The following GLIS3 variants were observed in gnomAD, a reference collection of about 807,000 sequenced individuals.
GLIS3 encodes zinc finger protein GLIS3.
A neutral mutation model predicts 78.6 loss-of-function variants in GLIS3; 53 were observed. The observed-to-expected ratio is 0.67, with a 90% CI of 0.54 to 0.85. GLIS3 has a LOEUF of 0.85. GLIS3 is among the 40% of genes least tolerant of loss of function. The pLI is 0.00. For missense variants in GLIS3, 1,703 were observed against 1,231.1 expected (o/e 1.38, Z -5.74); for synonymous variants, 684 against 509.9 (o/e 1.34, Z -4.60).
chr9:4,294,156 C>T (rs1462137913), intron 1 of GLIS3, among the ~76,000 whole-genome samples: 2 of 152,160 alleles, frequency 1.3e-5, no homozygotes, highest in Non-Finnish European at 2.9e-5. Flanking sequence ...TTTTTAGTCT[C>T]TATAAATCTG....
At chr9:4,091,787 T>C (rs1406101916) in intron 4 of GLIS3, among the ~76,000 whole-genome samples, 4 of 152,154 alleles carry the variant, frequency 2.6e-5, no homozygotes, top group Non-Finnish European at 5.9e-5. Flanking sequence ...CTCTTCTTTA[T>C]AAATTACCCA....
chr9:3,987,574 C>T (rs1036903600), intron 4 of GLIS3, among the ~76,000 whole-genome samples: 10 of 150,990 alleles, frequency 6.6e-5, no homozygotes, highest in Non-Finnish European at 8.9e-5. Flanking sequence ...TTGTGGTGGG[C>T]GCCTGTAATC....
At chr9:3,986,004 A>G (rs1405506330) in intron 4 of GLIS3, among the ~76,000 whole-genome samples, 1 of 152,258 alleles carries the variant, frequency 6.6e-6, no homozygotes, top group East Asian at 1.9e-4. Context: ...CATGCTAATT[A>G]AAAAGAAATT....
chr9:4,376,184 G>A, the GLIS3 span, among the ~76,000 whole-genome samples: 1 of 152,158 alleles, frequency 6.6e-6, no homozygotes, highest in Non-Finnish European at 1.5e-5. Flanking sequence ...CTCTGGTGGA[G>A]AGATTGTCCC....
chr9:4,394,182 G>C, the GLIS3 span, among the ~76,000 whole-genome samples: 1 of 151,926 alleles, frequency 6.6e-6, no homozygotes, highest in Non-Finnish European at 1.5e-5. Flanking sequence ...TCTTCTCAAG[G>C]AGTGTATAAA....
chr9:3,932,479 G>C lies in GLIS3; in HGVS notation c.1873-9C>G, dbSNP rs371770632. ...TGACAAGCATAAGGTTTCTAAATGAGAAAGAAAGAAAGAAACAGCTGTGGT... is the reference window on the plus strand; with the variant it reads ...TGACAAGCATAAGGTTTCTAAATGACAAAGAAAGAAAGAAACAGCTGTGGT... On this transcript the variant is annotated splice_polypyrimidine_tract_variant and intron_variant, in intron 5 of 10. Coordinates refer to ENST00000381971, the MANE Select transcript of GLIS3 (RefSeq NM_001042413.2). 275 of 1,551,318 alleles carry C rather than the reference G, an allele frequency of 1.8e-4. No homozygotes were observed. The highest frequency in any genetic ancestry group is 8.4e-4 in the Middle Eastern group (5 of 5,936).
chr9:3,909,548 A>G (rs1563839214), intron 6 of GLIS3, among the ~76,000 whole-genome samples: 2 of 152,210 alleles, frequency 1.3e-5, no homozygotes, highest in Non-Finnish European at 2.9e-5. Flanking sequence ...GGGGATACCT[A>G]TTTAGTTAGC....
At chr9:4,416,863 G>C in the GLIS3 span, among the ~76,000 whole-genome samples, 4 of 131,176 alleles carry the variant, frequency 3.0e-5, no homozygotes, top group Admixed American at 1.8e-4. Context: ...TTGTTGCCCA[G>C]GCTGGAGTGC....
At chr9:4,375,804 T>G in the GLIS3 span, among the ~76,000 whole-genome samples, 1 of 152,100 alleles carries the variant, frequency 6.6e-6, no homozygotes, top group African/African-American at 2.4e-5. Flanking sequence ...CACTAGTACT[T>G]GACAGAAAAC....
intron 2 of GLIS3, among the ~76,000 whole-genome samples, chr9:4,334,979 G>C (rs1817737982): frequency 6.9e-6 from 1 of 145,600 alleles, no homozygotes; most frequent in African/African-American, 2.6e-5. Context: ...TGTGATCTCG[G>C]CTCACCGCAA....
chr9:4,488,231 G>A, the GLIS3 span, among the ~76,000 whole-genome samples: 1 of 151,844 alleles, frequency 6.6e-6, no homozygotes, highest in African/African-American at 2.4e-5. Flanking sequence ...CTGGGATTAC[G>A]GGTGTGAGCC....
the GLIS3 span, among the ~76,000 whole-genome samples, chr9:4,383,198 G>C: frequency 6.6e-6 from 1 of 152,184 alleles, no homozygotes; most frequent in Non-Finnish European, 1.5e-5. Flanking sequence ...CATTGCACTT[G>C]CTTCTTGGCA....
At chr9:4,338,763 A>G (rs889420848) in intron 2 of GLIS3, among the ~76,000 whole-genome samples, 1 of 152,196 alleles carries the variant, frequency 6.6e-6, no homozygotes, top group African/African-American at 2.4e-5. Context: ...AGAGGAACCA[A>G]AAATATAGCC....
rs568648126 is a variant in GLIS3 at position 4,336,553 on chromosome 9, T to C, written n.264+10528A>G. Reference sequence around the variant, plus strand: ...TCCTCACATGAGCCCTGAAACTGAATATATAGTTTCCGTTTTATGGAAAAG... The same window carrying C: ...TCCTCACATGAGCCCTGAAACTGAACATATAGTTTCCGTTTTATGGAAAAG... On this transcript the variant is annotated intron_variant and non_coding_transcript_variant, in intron 2 of 4. Transcript: ENST00000471664. Among the ~76,000 whole-genome samples the C allele has an allele frequency of 9.9e-5, 15 of 152,226 alleles. No homozygotes were observed. The East Asian group carries it at 2.3e-3, about 23-fold the overall frequency.
intron 2 of GLIS3, among the ~76,000 whole-genome samples, chr9:4,248,613 G>C (rs762573409): frequency 1.3e-5 from 2 of 152,320 alleles, no homozygotes; most frequent in South Asian, 2.1e-4. Context: ...TCAGTAGTGG[G>C]ATTGCTGGGT....
At chr9:4,160,675 T>G (rs1438469704) in intron 2 of GLIS3, among the ~76,000 whole-genome samples, 1 of 152,248 alleles carries the variant, frequency 6.6e-6, no homozygotes, top group African/African-American at 2.4e-5. Context: ...CTTACTTTTC[T>G]TATTACAATT....
the GLIS3 span, among the ~76,000 whole-genome samples, chr9:4,357,959 T>G: frequency 2.0e-3 from 301 of 152,312 alleles, no homozygotes; most frequent in African/African-American, 6.7e-3. Context: ...CAAGTTATAT[T>G]ACATCTACAT....
intron 4 of GLIS3, among the ~76,000 whole-genome samples, chr9:4,306,933 T>C (rs1052837272): frequency 3.9e-5 from 6 of 152,242 alleles, no homozygotes; most frequent in African/African-American, 1.2e-4. Flanking sequence ...AATAACGTTA[T>C]CTCAGCAGAT....
At chr9:4,202,902 G>A (rs1023026306) in intron 2 of GLIS3, among the ~76,000 whole-genome samples, 2 of 152,180 alleles carry the variant, frequency 1.3e-5, no homozygotes, top group African/African-American at 4.8e-5. Flanking sequence ...TCTGGACATT[G>A]CCATGGGAAA....
Sources: gnomAD v4.1 joint callset for allele counts (sites outside exome capture counted in the v4.1 genomes callset) on GRCh38, gnomAD v4.1.1 for gene constraint, MANE v1.5 for transcripts, NCBI Gene and HGNC (gene_info 2026-07-23, HGNC 2026-07-21) for gene names.